The following EIF3K variants were observed in gnomAD, a reference collection of about 807,000 sequenced individuals.
The protein encoded by EIF3K is eukaryotic translation initiation factor 3 subunit K, also known as eIF-3 p28.
EIF3K carries 27 observed loss-of-function variants against 34.2 expected under a neutral mutation model. That is an observed-to-expected ratio of 0.79 (90% CI 0.58 to 1.09). The LOEUF (loss-of-function observed/expected upper bound fraction) is 1.09. EIF3K is among the 50% of genes least tolerant of loss of function. EIF3K has a pLI of 0.00. For synonymous variants in EIF3K, 105 were observed against 105.7 expected (o/e 0.99, Z 0.04); for missense variants, 232 against 275.4 (o/e 0.84, Z 1.11).
intron 4 of EIF3K, among the ~76,000 whole-genome samples, chr19:38,628,020 T>A (rs1296832307): frequency 6.6e-6 from 1 of 151,960 alleles, no homozygotes; most frequent in Non-Finnish European, 1.5e-5. Context: ...TTTTCCTGTC[T>A]CAGCCTCCCA....
chr19:38,620,801 GGA>G (rs768289527), intron 2 of EIF3K, among the ~76,000 whole-genome samples: 5 of 152,044 alleles, frequency 3.3e-5, no homozygotes, highest in Non-Finnish European at 7.4e-5. Flanking sequence ...GGCTGAGGCA[GGA>G]GAATTGCTTG....
intron 6 of EIF3K, 84 bp from the exon 7 acceptor site, chr19:38,634,909 G>A: frequency 6.3e-7 from 1 of 1,585,988 alleles, no homozygotes; most frequent in East Asian, 2.3e-5. Flanking sequence ...CTGGCTTCCT[G>A]AGCCATGACT....
In EIF3K at chr19:38,631,806, C is replaced by T. The variant is rs916776379; in HGVS notation, c.355-624C>T. 7.9e-5 allele frequency among the ~76,000 whole-genome samples: 12 copies of T among 152,318 alleles called. No homozygotes were observed. In the East Asian group the frequency reaches 1.2e-3, roughly 15 times the overall value. On this transcript the variant is annotated intron_variant, in intron 4 of 7. Coordinates refer to ENST00000248342, the MANE Select transcript of EIF3K (RefSeq NM_013234.4). ...CTAGGCAGAGGTCCCTGCGGTCTTC[C>T]GCAGTGTTTGTGTCCCTGGGTACTT... is the stretch of plus-strand genomic sequence containing the variant.
At chr19:38,619,420 G>A in intron 1 of EIF3K, 93 bp downstream of exon 1, 1 of 1,436,642 alleles carries the variant, frequency 7.0e-7, no homozygotes, top group South Asian at 1.2e-5. Flanking sequence ...TCCTGGGCTT[G>A]CCGCGGGGTG....
At chr19:38,627,096 C>CAA (rs1975965798) in intron 4 of EIF3K, among the ~76,000 whole-genome samples, 1 of 152,146 alleles carries the variant, frequency 6.6e-6, no homozygotes, top group Admixed American at 6.5e-5. Context: ...AACTGATTCT[C>CAA]GTGCCTCAGC....
intron 6 of EIF3K, among the ~76,000 whole-genome samples, chr19:38,633,206 G>A (rs1456328228): frequency 6.6e-6 from 1 of 152,108 alleles, no homozygotes; most frequent in African/African-American, 2.4e-5. Flanking sequence ...GCTGGGGGTT[G>A]GAGGGGCATT....
chr19:38,635,656 C>G (rs1013184204), intron 7 of EIF3K: 3 of 158,040 alleles, frequency 1.9e-5, no homozygotes, highest in Non-Finnish European at 4.2e-5. Context: ...AGTATCATAC[C>G]TACCTCATGG....
At chr19:38,633,575 G>A (rs1976118485) in intron 6 of EIF3K, among the ~76,000 whole-genome samples, 1 of 152,020 alleles carries the variant, frequency 6.6e-6, no homozygotes, top group South Asian at 2.1e-4. Context: ...GCGTGCACCT[G>A]TAATCCCAGC....
intron 3 of EIF3K, among the ~76,000 whole-genome samples, chr19:38,625,282 C>T (rs1312281107): frequency 3.3e-5 from 5 of 151,764 alleles, no homozygotes; most frequent in Admixed American, 3.3e-4. Flanking sequence ...CTGTCTCAGC[C>T]TCCTGAGCAG....
intron 3 of EIF3K, among the ~76,000 whole-genome samples, chr19:38,625,171 TA>T (rs1195551978): frequency 2.0e-5 from 3 of 151,870 alleles, no homozygotes; most frequent in African/African-American, 7.3e-5. Context: ...TTATTTATTT[TA>T]TTTTTTTTTT....
At position 38,635,292 on chromosome 19, in the gene EIF3K, C is replaced by T. The variant is rs749153406; in HGVS notation, c.625+174C>T. 2.5e-5 allele frequency: 23 copies of T among 902,044 alleles called. 1 individual carries two copies. Among genetic ancestry groups the T allele is most frequent in the Non-Finnish European group, 3.8e-5 (23 of 597,914 alleles). The allele number at this position is 902,044 out of a possible 1,614,324, so 55.9% of individuals were successfully genotyped here. A position where few individuals can be genotyped will look rare whatever the true frequency, so the allele number is the denominator to read the frequency against. ...TGGGGCTCCCGCCCAGGAGGAATAG[C>T]GGGGAGCTGGGTGATCTTCCCTGGA... is the stretch of plus-strand genomic sequence containing the variant. On this transcript the variant is annotated intron_variant, in intron 7 of 7. Transcript: ENST00000248342.
Position 38,620,445 on chromosome 19 carries a change from T to C in EIF3K, c.158+10T>C, listed in dbSNP as rs186901215. ...TGGCTGTCCTGAAGCTGTAAGTGTC[T>C]AGCTCTCTGTCTACACTCCCATTGC... On this transcript the variant is annotated intron_variant, in intron 2 of 7. Transcript: ENST00000248342. The C allele has an allele frequency of 2.3e-4, 375 of 1,611,592 alleles. 1 individual carries two copies. The African/African-American group carries it at 4.5e-3, about 19-fold the overall frequency.
intron 3 of EIF3K, 86 bp from the exon 4 acceptor site, chr19:38,625,942 G>C: frequency 8.0e-7 from 1 of 1,256,078 alleles, no homozygotes; most frequent in Non-Finnish European, 1.2e-6. Flanking sequence ...GAAGAAAGCA[G>C]CCAGAAGAAG....
intron 4 of EIF3K, chr19:38,630,663 T>TTTGTTTG: frequency 6.8e-6 from 1 of 146,906 alleles, no homozygotes; most frequent in East Asian, 2.1e-4. Context: ...CTGTTTTTTG[T>TTTGTTTG]TTGTTTGTTG....
intron 4 of EIF3K, among the ~76,000 whole-genome samples, chr19:38,627,133 T>A (rs1599734064): frequency 6.6e-6 from 1 of 152,090 alleles, no homozygotes; most frequent in African/African-American, 2.4e-5. Context: ...GTTACAGGCA[T>A]GTGCCATCAC....
Position 38,620,405 on chromosome 19 carries a change from A to G in EIF3K, c.128A>G (p.Asp43Gly), listed in dbSNP as rs201883520. The change falls in exon 2 of 8, where the codon GAT becomes GGT. Residue 43 changes from aspartate to glycine, a missense_variant. Coordinates refer to ENST00000248342, the MANE Select transcript of EIF3K (RefSeq NM_013234.4). ...VETQAKENAY[D>G]LEANLAVLKL... Reference sequence around the variant, plus strand: ...ACGCAGGCCAAGGAAAATGCCTATGATCTGGAAGCCAACCTGGCTGTCCTG... The same window carrying G: ...ACGCAGGCCAAGGAAAATGCCTATGGTCTGGAAGCCAACCTGGCTGTCCTG... The G allele has an allele frequency of 3.4e-5, 55 of 1,613,986 alleles. No homozygotes were observed. The Admixed American group carries it at 7.8e-4, about 23-fold the overall frequency.
chr19:38,620,436 G>A lies in EIF3K; in HGVS notation c.158+1G>A. The A allele has an allele frequency of 1.2e-6, 2 of 1,613,326 alleles. No individual in the cohort carries two copies. Among genetic ancestry groups the A allele is most frequent in the Non-Finnish European group, 1.7e-6 (2 of 1,179,630 alleles). ...AAGCCAACCTGGCTGTCCTGAAGCT[G>A]TAAGTGTCTAGCTCTCTGTCTACAC... On this transcript the variant is annotated splice_donor_variant, in intron 2 of 7. Coordinates refer to ENST00000248342, the MANE Select transcript of EIF3K (RefSeq NM_013234.4). LOFTEE classifies it high-confidence loss of function.
chr19:38,631,523 G>C (rs1171480182), intron 4 of EIF3K, among the ~76,000 whole-genome samples: 2 of 152,208 alleles, frequency 1.3e-5, no homozygotes, highest in Non-Finnish European at 2.9e-5. Flanking sequence ...CAGCCCTAAG[G>C]CGGTTTCCCC....
chr19:38,622,519 G>A (rs1159298209), intron 2 of EIF3K, among the ~76,000 whole-genome samples: 1 of 152,248 alleles, frequency 6.6e-6, no homozygotes, highest in Non-Finnish European at 1.5e-5. Context: ...CACAAGGCAA[G>A]TGGAGGCAGG....
Sources: gnomAD v4.1 joint callset for allele counts (sites outside exome capture counted in the v4.1 genomes callset) on GRCh38, gnomAD v4.1.1 for gene constraint, MANE v1.5 for transcripts, NCBI Gene and HGNC (gene_info 2026-07-23, HGNC 2026-07-21) for gene names.